The following MED12L variants were observed in gnomAD, a reference collection of about 807,000 sequenced individuals.
MED12L encodes mediator complex subunit 12L, also known as mediator of RNA polymerase II transcription subunit 12-like protein.
Under a neutral mutation model 281.3 loss-of-function variants are expected in MED12L, and 60 were observed. The ratio of observed to expected loss-of-function variants is 0.21; its 90% CI spans 0.17 to 0.26. The LOEUF is 0.26. Among genes scored for constraint, MED12L ranks in the 10% least tolerant of loss-of-function variants. MED12L has a pLI of 1.00. For synonymous variants in MED12L, 974 were observed against 987.2 expected (o/e 0.99, Z 0.25); for missense variants, 2,146 against 2,680.9 (o/e 0.80, Z 4.41).
chr3:151,365,860 A>G lies in MED12L; in HGVS notation c.3196A>G (p.Ile1066Val). The G allele has an allele frequency of 6.2e-7, 1 of 1,609,908 alleles. No individual in the cohort carries two copies. Among genetic ancestry groups the G allele is most frequent in the African/African-American group, 1.3e-5 (1 of 74,716 alleles). The change falls in exon 23 of 45, where the codon ATA becomes GTA. Residue 1066 changes from isoleucine to valine, a missense_variant. By Grantham distance (29) the Ile-to-Val change is conservative. This residue lies in a region of MED12L where 404 missense variants were observed against 603.5 expected (regional missense o/e 0.67). Transcript: ENST00000687756. ...CTTTTTCTTTTCTAGGATTAACGAC[A>G]TAGCCAATTTCTCCTCTGAGCTTAC... ...GHQDAGRIND[I>V]ANFSSELTAC...
At chr3:151,345,975 G>A (rs1304879153) in intron 16 of MED12L, among the ~76,000 whole-genome samples, 1 of 152,140 alleles carries the variant, frequency 6.6e-6, no homozygotes, top group Non-Finnish European at 1.5e-5. Flanking sequence ...AAGGAATACT[G>A]TCTTTACACC....
At chr3:151,118,479 C>G (rs944514285) in intron 3 of MED12L, among the ~76,000 whole-genome samples, 3 of 152,060 alleles carry the variant, frequency 2.0e-5, no homozygotes, top group Non-Finnish European at 2.9e-5. Flanking sequence ...CAATTTTTTA[C>G]GTTACAACCG....
intron 16 of MED12L, among the ~76,000 whole-genome samples, chr3:151,347,636 G>A (rs902426378): frequency 6.6e-6 from 1 of 152,146 alleles, no homozygotes; most frequent in African/African-American, 2.4e-5. Context: ...GGGAGGAAGT[G>A]CCCTGGAGTC....
chr3:151,316,357 T>C (rs747271218), intron 16 of MED12L: 3 of 152,200 alleles, frequency 2.0e-5, no homozygotes, highest in Admixed American at 1.3e-4. Flanking sequence ...TGCCAAAACA[T>C]TGTTTCTACT....
chr3:151,157,112 A>C (rs1297728149), intron 6 of MED12L, among the ~76,000 whole-genome samples: 1 of 152,142 alleles, frequency 6.6e-6, no homozygotes, highest in African/African-American at 2.4e-5. Context: ...GGACTACTTT[A>C]GTGCTGCCCT....
intron 5 of MED12L, among the ~76,000 whole-genome samples, chr3:151,141,172 T>TTTTTTTTTTTTTTTTG: frequency 7.9e-6 from 1 of 126,600 alleles, no homozygotes; most frequent in African/African-American, 3.8e-5. Flanking sequence ...TGGCGTTTTT[T>TTTTTTTTTTTTTTTTG]TTTTTGTTTT....
At chr3:151,235,547 T>C (rs1732569165) in intron 16 of MED12L, among the ~76,000 whole-genome samples, 1 of 151,868 alleles carries the variant, frequency 6.6e-6, no homozygotes, top group African/African-American at 2.4e-5. Context: ...CTACTAAAAA[T>C]ACAAAAATTA....
At chr3:151,117,574 T>C (rs1164046569) in intron 3 of MED12L, among the ~76,000 whole-genome samples, 1 of 152,178 alleles carries the variant, frequency 6.6e-6, no homozygotes, top group African/African-American at 2.4e-5. Context: ...CTTAATAATA[T>C]CAATATATTT....
chr3:151,128,312 AC>A (rs1275107763), intron 5 of MED12L, among the ~76,000 whole-genome samples: 1 of 152,186 alleles, frequency 6.6e-6, no homozygotes, highest in Non-Finnish European at 1.5e-5. Context: ...CTCTGCTGTT[AC>A]TTTTGCTCCT....
chr3:151,337,190 G>A (rs1236834805), intron 16 of MED12L: 1 of 151,946 alleles, frequency 6.6e-6, no homozygotes, highest in African/African-American at 2.4e-5. Context: ...TCTCTTTATT[G>A]TAAAGGTCTT....
At position 151,436,631 on chromosome 3, in the gene MED12L, T is replaced by C. The variant is rs983302480; in HGVS notation, c.*3827T>C. On this transcript the variant is annotated 3_prime_UTR_variant, in exon 45 of 45. Transcript: ENST00000687756. ...TTTACATGCCTATGGCTGCCTTTGA[T>C]TAAACTTCTTCCAAAAAATAAATTC... The C allele has an allele frequency of 3.9e-6, 5 of 1,275,722 alleles. No individual in the cohort carries two copies. In the African/African-American group the frequency reaches 4.5e-5, roughly 11 times the overall value. 79.0% of individuals were successfully genotyped at this position (1,275,722 alleles called of 1,614,324 possible). A position where few individuals can be genotyped will look rare whatever the true frequency, so the allele number is the denominator to read the frequency against.
At chr3:151,184,934 GC>G (rs1559851465) in intron 11 of MED12L, among the ~76,000 whole-genome samples, 6 of 152,176 alleles carry the variant, frequency 3.9e-5, no homozygotes, top group Non-Finnish European at 7.3e-5. Context: ...TGAGTGGGGG[GC>G]CTGAGGGTGC....
chr3:151,317,436 C>CTTTTTTTTTTTTGTT (rs1748415220), intron 16 of MED12L, among the ~76,000 whole-genome samples: 1 of 58,744 alleles, frequency 1.7e-5, no homozygotes. Context: ...AATCATATCA[C>CTTTTTTTTTTTTGTT]TTTTTTTTTT....
At position 151,365,390 on chromosome 3, in the gene MED12L, G is replaced by A. The variant is rs1015975793; in HGVS notation, c.3185+184G>A. 4.6e-5 allele frequency among the ~76,000 whole-genome samples: 7 copies of A among 151,990 alleles called. 1 individual carries two copies. The East Asian group carries it at 1.2e-3, about 25-fold the overall frequency. The stretch of plus-strand genomic sequence containing the variant: ...TTTAATTTCCTTAACCTGAGAGACA[G>A]TGCTTTCTTATTTATTACTCTGGCA... On this transcript the variant is annotated intron_variant, in intron 22 of 44. Coordinates refer to ENST00000687756, the MANE Select transcript of MED12L (RefSeq NM_001393769.1).
In MED12L at chr3:151,401,350, T is replaced by C. The variant is rs1257261906; in HGVS notation, c.5820+6483T>C. ...CATTTCTTCTATACATGTGGAAAGT[T>C]TTAGGGTGTGTACCTGAACATGGAA... On this transcript the variant is annotated intron_variant, in intron 39 of 44. Coordinates refer to ENST00000687756, the MANE Select transcript of MED12L (RefSeq NM_001393769.1). Among the ~76,000 whole-genome samples the C allele has an allele frequency of 2.0e-5, 3 of 152,110 alleles. No homozygotes were observed. In the East Asian group the frequency reaches 5.8e-4, roughly 29 times the overall value.
intron 16 of MED12L, among the ~76,000 whole-genome samples, chr3:151,215,978 T>G (rs1176662941): frequency 6.6e-6 from 1 of 152,208 alleles, no homozygotes; most frequent in Non-Finnish European, 1.5e-5. Flanking sequence ...AGGCCTCAGC[T>G]TAGCTGTCAC....
chr3:151,416,042 C>T (rs759172980), intron 42 of MED12L, among the ~76,000 whole-genome samples: 1 of 152,128 alleles, frequency 6.6e-6, no homozygotes, highest in Non-Finnish European at 1.5e-5. Flanking sequence ...TGGCCCCGGA[C>T]AGCGCAGTGT....
chr3:151,147,803 C>T (rs1717937720), intron 5 of MED12L, among the ~76,000 whole-genome samples: 1 of 152,134 alleles, frequency 6.6e-6, no homozygotes, highest in South Asian at 2.1e-4. Flanking sequence ...TTATAATGAA[C>T]ATCCTGCTAT....
At chr3:151,368,719 C>T (rs376882712) in intron 25 of MED12L, among the ~76,000 whole-genome samples, 19 of 62,184 alleles carry the variant, frequency 3.1e-4, no homozygotes, top group South Asian at 2.6e-3. Flanking sequence ...CATTTCATTT[C>T]ATTTCATTTC....
Sources: gnomAD v4.1 joint callset for allele counts (sites outside exome capture counted in the v4.1 genomes callset) on GRCh38, gnomAD v4.1.1 for gene constraint, gnomAD v4.1.1 regional missense constraint, MANE v1.5 for transcripts, NCBI Gene and HGNC (gene_info 2026-07-23, HGNC 2026-07-21) for gene names.